The following ATXN3 variants were observed in gnomAD, a reference collection of about 807,000 sequenced individuals.
The protein encoded by ATXN3 is ataxin 3.
Under a neutral mutation model 58.2 loss-of-function variants are expected in ATXN3, and 28 were observed. The observed-to-expected ratio is 0.48, with a 90% confidence interval of 0.36 to 0.66. The LOEUF (loss-of-function observed/expected upper bound fraction) is 0.66, where lower values mean the gene tolerates loss of function less well. Among genes scored for constraint, ATXN3 ranks in the 30% least tolerant of loss-of-function variants. The pLI is 0.00. For missense variants in ATXN3, 321 were observed against 422.1 expected (o/e 0.76, Z 2.10); for synonymous variants, 113 against 138.5 (o/e 0.82, Z 1.29).
At chr14:92,075,596 G>A (rs1696449213) in intron 9 of ATXN3, among the ~76,000 whole-genome samples, 1 of 152,096 alleles carries the variant, frequency 6.6e-6, no homozygotes, top group Admixed American at 6.6e-5. Flanking sequence ...CTCAAAAAGG[G>A]AAAAGAAAAA....
intron 9 of ATXN3, chr14:92,080,756 G>A (rs768919726): frequency 9.3e-6 from 5 of 538,328 alleles, no homozygotes; most frequent in Admixed American, 2.3e-5. Context: ...GGCTGGTCTC[G>A]AACTCCTGAC....
chr14:92,065,469 C>G (rs1412177936), intron 10 of ATXN3, among the ~76,000 whole-genome samples: 1 of 152,152 alleles, frequency 6.6e-6, no homozygotes, highest in Non-Finnish European at 1.5e-5. Context: ...CACAGTGGCT[C>G]AAGCCTGTAA....
chr14:92,096,640 A>AC, intron 2 of ATXN3, 34 bp downstream of exon 2: 2 of 1,570,388 alleles, frequency 1.3e-6, no homozygotes, highest in Non-Finnish European at 1.7e-6. Context: ...AAAAAAAAAA[A>AC]AGAAATGTGA....
intron 9 of ATXN3, among the ~76,000 whole-genome samples, chr14:92,074,256 G>C (rs2059967419): frequency 6.6e-6 from 1 of 151,698 alleles, no homozygotes; most frequent in Admixed American, 6.6e-5. Flanking sequence ...GAAGCTGGGA[G>C]GCGGAGGCTG....
In ATXN3 at chr14:92,071,270, A is replaced by G. The variant is rs1417232544; in HGVS notation, c.873-217T>C. 3 of 808,388 alleles carry G rather than the reference A, an allele frequency of 3.7e-6. No homozygotes were observed. In the East Asian group the frequency reaches 8.3e-5, roughly 22 times the overall value. The allele number at this position is 808,388 out of a possible 1,614,324, so 50.1% of individuals were successfully genotyped here. Reference sequence around the variant, plus strand: ...TAGACATAAAATTTAAATTTATCAGACAAATTAAGAGGTAGGTATTTTCAT... The same window carrying G: ...TAGACATAAAATTTAAATTTATCAGGCAAATTAAGAGGTAGGTATTTTCAT... On this transcript the variant is annotated intron_variant, in intron 9 of 10. Coordinates refer to ENST00000644486, the MANE Select transcript of ATXN3 (RefSeq NM_004993.6).
intron 8 of ATXN3, among the ~76,000 whole-genome samples, chr14:92,081,500 A>C (rs550851689): frequency 6.6e-6 from 1 of 151,530 alleles, no homozygotes; most frequent in East Asian, 1.9e-4. Flanking sequence ...AGAAAAAAAA[A>C]AAAGAAAGAA....
intron 3 of ATXN3, among the ~76,000 whole-genome samples, chr14:92,095,857 G>A (rs1368618613): frequency 1.3e-5 from 2 of 151,682 alleles, no homozygotes; most frequent in South Asian, 2.1e-4. Flanking sequence ...CAGGAGGATC[G>A]CTTGAACCCG....
In ATXN3 at chr14:92,064,223, C is replaced by G. The variant is rs909480930; in HGVS notation, c.*97G>C. On this transcript the variant is annotated 3_prime_UTR_variant, in exon 11 of 11. Transcript: ENST00000644486. ...TTGCAAACCGCTAAAAGTCTTATTT[C>G]CTCATCTCTTTGACACATTACCAAA... 5.1e-6 allele frequency: 4 copies of G among 787,118 alleles called. No homozygotes were observed. In the Admixed American group the frequency reaches 8.6e-5, roughly 17 times the overall value. The allele number at this position is 787,118 out of a possible 1,614,324, so 48.8% of individuals were successfully genotyped here.
intron 1 of ATXN3, among the ~76,000 whole-genome samples, chr14:92,103,055 A>T (rs1284589827): frequency 6.6e-6 from 1 of 152,108 alleles, no homozygotes; most frequent in Non-Finnish European, 1.5e-5. Context: ...CATTACATTA[A>T]AAGCACCAAT....
At chr14:92,069,658 C>A (rs1436693906) in intron 10 of ATXN3, among the ~76,000 whole-genome samples, 1 of 152,218 alleles carries the variant, frequency 6.6e-6, no homozygotes, top group Non-Finnish European at 1.5e-5. Flanking sequence ...AGGCATGGGC[C>A]ACCATGCCTG....
At chr14:92,069,056 G>C (rs537815029) in intron 10 of ATXN3, among the ~76,000 whole-genome samples, 2 of 151,410 alleles carry the variant, frequency 1.3e-5, no homozygotes, top group South Asian at 4.2e-4. Flanking sequence ...TGTAATTTTG[G>C]GCAATGATGA....
At chr14:92,097,930 C>T (rs1286835524) in intron 1 of ATXN3, among the ~76,000 whole-genome samples, 1 of 152,052 alleles carries the variant, frequency 6.6e-6, no homozygotes, top group Non-Finnish European at 1.5e-5. Flanking sequence ...ACAAATCTAC[C>T]ATTAATGAAA....
At chr14:92,066,608 T>C (rs2058469526) in intron 10 of ATXN3, among the ~76,000 whole-genome samples, 1 of 143,032 alleles carries the variant, frequency 7.0e-6, no homozygotes, top group African/African-American at 2.6e-5. Context: ...CTTGTTTTTT[T>C]TTTTTTTTTT....
At chr14:92,049,222 A>G (rs968246009) in intron 1 of ATXN3, among the ~76,000 whole-genome samples, 14 of 152,174 alleles carry the variant, frequency 9.2e-5, no homozygotes, top group African/African-American at 3.4e-4. Flanking sequence ...TGTTGCCCAT[A>G]GTGAAGGAAG....
chr14:92,071,588 C>T, intron 9 of ATXN3: 1 of 283,496 alleles, frequency 3.5e-6, no homozygotes, highest in Non-Finnish European at 6.9e-6. Flanking sequence ...CAGAGCGAGA[C>T]TCTGTCTCAA....
intron 10 of ATXN3, among the ~76,000 whole-genome samples, chr14:92,069,227 T>A (rs1414904428): frequency 1.3e-5 from 2 of 148,352 alleles, no homozygotes; most frequent in African/African-American, 5.0e-5. Context: ...CCCACCACCA[T>A]GCCCAGCAAA....
intron 6 of ATXN3, among the ~76,000 whole-genome samples, chr14:92,083,768 C>T (rs991043860): frequency 3.9e-5 from 6 of 152,070 alleles, no homozygotes; most frequent in African/African-American, 1.4e-4. Context: ...GGTGTGTCTG[C>T]GAGGGTGTTG....
chr14:92,082,809 C>G (rs967554245), intron 7 of ATXN3, among the ~76,000 whole-genome samples: 5 of 151,994 alleles, frequency 3.3e-5, no homozygotes, highest in Admixed American at 3.3e-4. Context: ...ACCACCACAT[C>G]TGGCTAATTT....
chr14:92,102,372 T>C (rs1397041758), intron 1 of ATXN3, among the ~76,000 whole-genome samples: 1 of 151,838 alleles, frequency 6.6e-6, no homozygotes, highest in African/African-American at 2.4e-5. Flanking sequence ...GCTCAGAGAA[T>C]TAGCAAACTG....
Sources: gnomAD v4.1 joint callset for allele counts (sites outside exome capture counted in the v4.1 genomes callset) on GRCh38, gnomAD v4.1.1 for gene constraint, MANE v1.5 for transcripts, NCBI Gene and HGNC (gene_info 2026-07-23, HGNC 2026-07-21) for gene names.